Variants in PLCG2 observed in about 807,000 individuals in gnomAD.
The protein encoded by PLCG2 is 1-phosphatidylinositol 4,5-bisphosphate phosphodiesterase gamma-2.
Under a neutral mutation model 175.6 loss-of-function variants are expected in PLCG2, and 69 were observed. The observed-to-expected ratio is 0.39, with a 90% confidence interval of 0.32 to 0.48. The LOEUF (loss-of-function observed/expected upper bound fraction) is 0.48, where lower values mean the gene tolerates loss of function less well. PLCG2 is among the 20% of genes least tolerant of loss of function. The probability of loss-of-function intolerance (pLI) is 0.91; values close to 1 mark genes in which losing one functional copy is unlikely to be tolerated. For missense variants in PLCG2, 1,798 were observed against 1,650.9 expected (o/e 1.09, Z -1.54); for synonymous variants, 827 against 624.0 (o/e 1.33, Z -4.85).
upstream of PLCG2, among the ~76,000 whole-genome samples, chr16:81,775,355 G>C (rs1910376372): frequency 6.6e-6 from 1 of 152,178 alleles, no homozygotes; most frequent in Non-Finnish European, 1.5e-5. Context: ...GTCCAAAGAG[G>C]GTGGCTGAGC....
chr16:81,933,571 T>G (rs1910590430), intron 25 of PLCG2, among the ~76,000 whole-genome samples: 1 of 150,212 alleles, frequency 6.7e-6, no homozygotes, highest in African/African-American at 2.4e-5. Context: ...GTCATGCTGT[T>G]TTTTGTTTTT....
intron 7 of PLCG2, among the ~76,000 whole-genome samples, chr16:81,874,925 A>G (rs953571956): frequency 8.4e-6 from 1 of 118,626 alleles, no homozygotes; most frequent in East Asian, 2.5e-4. Context: ...CAGGTGGACT[A>G]TTTGCTAGGC....
intron 2 of PLCG2, among the ~76,000 whole-genome samples, chr16:81,763,449 A>C (rs746120369): frequency 1.3e-5 from 2 of 152,226 alleles, no homozygotes; most frequent in African/African-American, 4.8e-5. Flanking sequence ...GGCTGGGGCC[A>C]TCTCCAAGGT....
intron 2 of PLCG2, among the ~76,000 whole-genome samples, chr16:81,818,026 C>T (rs1304593568): frequency 6.6e-6 from 1 of 152,184 alleles, no homozygotes; most frequent in Non-Finnish European, 1.5e-5. Flanking sequence ...ACTCTCTGTT[C>T]CTTCCTTTCA....
chr16:81,907,916 G>A (rs997969706), intron 16 of PLCG2, 142 bp downstream of exon 16: 2 of 615,448 alleles, frequency 3.2e-6, no homozygotes, highest in Non-Finnish European at 5.8e-6. Context: ...GATACTCTGG[G>A]TACCATGTCC....
chr16:81,837,881 C>G (rs1905607756), intron 2 of PLCG2, among the ~76,000 whole-genome samples: 1 of 152,116 alleles, frequency 6.6e-6, no homozygotes, highest in African/African-American at 2.4e-5. Flanking sequence ...ACATTCACAA[C>G]ATTCATAGAA....
intron 1 of PLCG2, among the ~76,000 whole-genome samples, chr16:81,752,474 A>T (rs532134070): frequency 6.6e-6 from 1 of 152,236 alleles, no homozygotes; most frequent in Non-Finnish European, 1.5e-5. Context: ...GGCAGCACTA[A>T]TAGCAGCTGG....
chr16:81,891,869 A>G (rs1275125435), intron 11 of PLCG2, among the ~76,000 whole-genome samples: 2 of 152,228 alleles, frequency 1.3e-5, no homozygotes, highest in Non-Finnish European at 2.9e-5. Flanking sequence ...CTAAAGTAAC[A>G]TAGTAAACTT....
rs12445314 is a variant in PLCG2, at chr16:81,802,345, C to A, written c.193+16163C>A. Among the ~76,000 whole-genome samples the A allele has an allele frequency of 4.8e-3, 725 of 151,420 alleles. 6 individuals are homozygous for A. Among genetic ancestry groups the A allele is most frequent in the Middle Eastern group, 0.017 (5 of 292 alleles). ...GCCAGGATGGTCTCGATCTCCTGAC[C>A]TCGTGATCCACCCGCCTCGGCCTCC... On this transcript the variant is annotated intron_variant, in intron 2 of 32. Coordinates refer to ENST00000564138, the MANE Select transcript of PLCG2 (RefSeq NM_002661.5).
chr16:81,752,390 G>A (rs1909830570), intron 1 of PLCG2, among the ~76,000 whole-genome samples: 1 of 152,196 alleles, frequency 6.6e-6, no homozygotes. Flanking sequence ...GTTGGGACAC[G>A]TCCTCTTTTA....
chr16:81,829,066 A>G (rs8057305), intron 2 of PLCG2, among the ~76,000 whole-genome samples: 57,978 of 151,958 alleles, frequency 0.38, 12,170 homozygotes, highest in African/African-American at 0.57. Flanking sequence ...TCTTTTTTGT[A>G]TCTGTGATTT....
chr16:81,897,928 G>A (rs994745652), intron 13 of PLCG2: 13 of 451,096 alleles, frequency 2.9e-5, no homozygotes, highest in Admixed American at 1.4e-4. Context: ...AATTATGGAC[G>A]TCTTTTCGCA....
chr16:81,801,807 A>G (rs1013214697), intron 2 of PLCG2, among the ~76,000 whole-genome samples: 13 of 151,952 alleles, frequency 8.6e-5, no homozygotes, highest in South Asian at 4.2e-4. Flanking sequence ...CAGCTTCCCC[A>G]GTAGCTGGGA....
chr16:81,884,387 A>C (rs1156632861), intron 9 of PLCG2, among the ~76,000 whole-genome samples: 5 of 151,972 alleles, frequency 3.3e-5, no homozygotes, highest in African/African-American at 1.2e-4. Flanking sequence ...ACCCCACCAA[A>C]AAAAAAAAAG....
chr16:81,814,952 G>A (rs914518052), intron 2 of PLCG2, among the ~76,000 whole-genome samples: 2 of 152,224 alleles, frequency 1.3e-5, no homozygotes, highest in Non-Finnish European at 2.9e-5. Context: ...CTGACTAAAC[G>A]TCAGCTGCTG....
chr16:81,937,900 C>T lies in PLCG2; in HGVS notation c.3195C>T (p.Val1065=). ...SQRKILMTLT[V]KVLGARHLPK... ...GGAAGATCCTGATGACGCTGACAGTCAAGGTAAAGCCAGCCCTCCCTTCCT... is the reference window on the plus strand; with the variant it reads ...GGAAGATCCTGATGACGCTGACAGTTAAGGTAAAGCCAGCCCTCCCTTCCT... The change falls in exon 28 of 33, where the codon GTC becomes GTT. Residue 1065 remains valine, a synonymous_variant. Transcript: ENST00000564138. 1 of 1,613,984 alleles carries T rather than the reference C, an allele frequency of 6.2e-7. No homozygotes were observed. The highest frequency in any genetic ancestry group is 8.5e-7 in the Non-Finnish European group (1 of 1,179,896).
intron 5 of PLCG2, 155 bp downstream of exon 5, chr16:81,859,318 G>C (rs2143491560): frequency 1.7e-6 from 1 of 573,122 alleles, no homozygotes; most frequent in Non-Finnish European, 3.2e-6. Context: ...CTGGGGTTGA[G>C]GATGACAAAA....
chr16:81,878,235 C>T (rs1361348406), intron 7 of PLCG2, among the ~76,000 whole-genome samples: 6 of 151,866 alleles, frequency 4.0e-5, no homozygotes, highest in Non-Finnish European at 2.9e-5. Flanking sequence ...CCGCCTGCCT[C>T]GGCCTCACAA....
At chr16:81,887,619 C>A (rs995628133) in intron 9 of PLCG2, among the ~76,000 whole-genome samples, 3 of 152,226 alleles carry the variant, frequency 2.0e-5, no homozygotes, top group African/African-American at 7.2e-5. Context: ...TGGTCACCAC[C>A]TGATTTGTGT....
Sources: gnomAD v4.1 joint callset for allele counts (sites outside exome capture counted in the v4.1 genomes callset) on GRCh38, gnomAD v4.1.1 for gene constraint, MANE v1.5 for transcripts, NCBI Gene and HGNC (gene_info 2026-07-23, HGNC 2026-07-21) for gene names.